CCDC38: variants seen among roughly 807,000 people sequenced by gnomAD.
The protein encoded by CCDC38 is coiled-coil domain containing 38, also known as coiled-coil domain-containing protein 38.
Under a neutral mutation model 72.8 loss-of-function variants are expected in CCDC38, and 69 were observed. The ratio of observed to expected loss-of-function variants is 0.95; its 90% confidence interval spans 0.78 to 1.16. CCDC38 has a LOEUF of 1.16. CCDC38 is among the 50% of genes most tolerant of loss of function. The pLI is 0.00. For missense variants in CCDC38, 626 were observed against 638.9 expected (o/e 0.98, Z 0.22); for synonymous variants, 201 against 213.2 (o/e 0.94, Z 0.50).
At chr12:95,882,216 G>A (rs2079708565) in intron 10 of CCDC38, among the ~76,000 whole-genome samples, 1 of 152,182 alleles carries the variant, frequency 6.6e-6, no homozygotes, top group African/African-American at 2.4e-5. Flanking sequence ...TGTGATCTAG[G>A]TCATTAACAC....
At chr12:95,895,244 TTAA>T in intron 7 of CCDC38, 98 bp from the exon 8 acceptor site, 1 of 696,154 alleles carries the variant, frequency 1.4e-6, no homozygotes. Context: ...ATGTACTGAA[TTAA>T]TAATTTAATT....
chr12:95,877,356 G>T (rs1446732163), intron 13 of CCDC38, among the ~76,000 whole-genome samples: 1 of 152,126 alleles, frequency 6.6e-6, no homozygotes, highest in Non-Finnish European at 1.5e-5. Flanking sequence ...TTTTGAGTTG[G>T]TCTGGCAATA....
chr12:95,880,844 G>T (rs1424054684), intron 11 of CCDC38, among the ~76,000 whole-genome samples: 1 of 152,188 alleles, frequency 6.6e-6, no homozygotes, highest in Non-Finnish European at 1.5e-5. Context: ...CTATGGGAGG[G>T]AGAAAAGAGG....
intron 4 of CCDC38, among the ~76,000 whole-genome samples, chr12:95,915,565 A>G (rs1388252591): frequency 6.6e-6 from 1 of 152,130 alleles, no homozygotes; most frequent in Non-Finnish European, 1.5e-5. Flanking sequence ...CTAACCTCCC[A>G]GCGTGTGGTT....
At chr12:95,884,872 A>G (rs2079739915) in intron 10 of CCDC38, among the ~76,000 whole-genome samples, 1 of 152,206 alleles carries the variant, frequency 6.6e-6, no homozygotes, top group South Asian at 2.1e-4. Flanking sequence ...AAAAATATAT[A>G]TATTTTTTCC....
intron 13 of CCDC38, among the ~76,000 whole-genome samples, chr12:95,875,263 A>G (rs2079623214): frequency 1.3e-5 from 2 of 152,160 alleles, no homozygotes; most frequent in South Asian, 4.1e-4. Context: ...ATAATGGTGT[A>G]TTCCCTGATC....
intron 4 of CCDC38, among the ~76,000 whole-genome samples, chr12:95,916,902 G>C (rs1185114603): frequency 1.3e-5 from 2 of 152,066 alleles, no homozygotes; most frequent in Admixed American, 6.5e-5. Flanking sequence ...GGCAGTAACT[G>C]TCCTCCTGGG....
At chr12:95,926,396 A>G (rs1400024195) in intron 2 of CCDC38, among the ~76,000 whole-genome samples, 5 of 150,846 alleles carry the variant, frequency 3.3e-5, no homozygotes, top group Non-Finnish European at 5.9e-5. Context: ...TATCCCCTTT[A>G]TCATTTTTTA....
chr12:95,913,031 T>C (rs1193686861), intron 4 of CCDC38, among the ~76,000 whole-genome samples: 4 of 152,132 alleles, frequency 2.6e-5, no homozygotes, highest in East Asian at 1.9e-4. Flanking sequence ...CACCAATGCA[T>C]TCCAGCCTGG....
rs569622792 is a variant in CCDC38 at position 95,879,791 on chromosome 12, G to C, written c.995C>G (p.Pro332Arg). The C allele has an allele frequency of 1.3e-6, 2 of 1,596,408 alleles. No homozygotes were observed. Among genetic ancestry groups the C allele is most frequent in the Admixed American group, 1.8e-5 (1 of 56,222 alleles). ...LDDEMDVDLE[P>R]ALYFKEPEEL... ...CTCTGGTTCCTTGAAATAAAGTGCT[G>C]GCTCCTAATTAATCAATAATGAAGA... The change falls in exon 12 of 16, where the codon CCA becomes CGA. Residue 332 changes from proline (P) to arginine (R), a missense_variant. Coordinates refer to ENST00000344280, the MANE Select transcript of CCDC38 (RefSeq NM_182496.3). This position sits in a 1 kb window ranked among gnomAD's most constrained non-coding sequence, Gnocchi z 5.5.
rs2136708594 is a variant in CCDC38 at position 95,909,405 on chromosome 12, T to TA, written c.305-2955dup. ...ATGAGTTCTGAAATTGAATCAGTAA[T>TA]AAAAAACCTACCAAACCAAATAAAG... is the stretch of plus-strand genomic sequence containing the variant. On this transcript the variant is annotated intron_variant, in intron 4 of 15. Transcript: ENST00000344280. Among the ~76,000 whole-genome samples, 3 of 152,140 alleles carry TA rather than the reference T, an allele frequency of 2.0e-5. No homozygotes were observed. In the East Asian group the frequency reaches 5.8e-4, roughly 29 times the overall value.
At chr12:95,921,135 AAAAAAGAAAAAG>A (rs530219290) in intron 2 of CCDC38, among the ~76,000 whole-genome samples, 30 of 152,112 alleles carry the variant, frequency 2.0e-4, no homozygotes, top group African/African-American at 6.7e-4. Context: ...TCTCAAAAAA[AAAAAAGAAAAAG>A]AAAAAGAAAA....
intron 4 of CCDC38, among the ~76,000 whole-genome samples, chr12:95,910,143 TA>T (rs1445827674): frequency 1.3e-5 from 2 of 152,084 alleles, no homozygotes; most frequent in Non-Finnish European, 2.9e-5. Context: ...GTTCGATACC[TA>T]AAAAACCCCA....
At chr12:95,936,592 C>T (rs965430548) in intron 1 of CCDC38, 69 bp from the exon 2 acceptor site, 2 of 1,233,574 alleles carry the variant, frequency 1.6e-6, no homozygotes, top group South Asian at 2.6e-5. Context: ...CTAAATTCAA[C>T]TGCCAATGAC....
chr12:95,892,276 A>ATTTT (rs1450670029), intron 8 of CCDC38, among the ~76,000 whole-genome samples: 2 of 100,200 alleles, frequency 2.0e-5, no homozygotes, highest in Non-Finnish European at 1.9e-5. Context: ...ACTTATTACA[A>ATTTT]TCTTTTTTTT....
intron 5 of CCDC38, among the ~76,000 whole-genome samples, chr12:95,899,585 C>CA (rs2079929276): frequency 6.6e-6 from 1 of 152,128 alleles, no homozygotes. Flanking sequence ...AGGCGTGAGC[C>CA]ACCACACCCA....
intron 13 of CCDC38, among the ~76,000 whole-genome samples, chr12:95,875,315 T>G (rs1376995528): frequency 1.3e-5 from 2 of 152,170 alleles, no homozygotes; most frequent in Non-Finnish European, 2.9e-5. Flanking sequence ...AGAAAATTTC[T>G]TGAGAGGTAC....
chr12:95,895,329 A>T (rs1262924218), intron 7 of CCDC38, among the ~76,000 whole-genome samples, 183 bp from the exon 8 acceptor site: 1 of 152,220 alleles, frequency 6.6e-6, no homozygotes, highest in African/African-American at 2.4e-5. Context: ...GGAAAACTCT[A>T]GGAATGCTGT....
chr12:95,879,612 T>C lies in CCDC38; in HGVS notation c.1142+32A>G, dbSNP rs747167593. 4.1e-6 allele frequency: 6 copies of C among 1,481,178 alleles called. No homozygotes were observed. Among genetic ancestry groups the C allele is most frequent in the East Asian group, 2.3e-5 (1 of 43,916 alleles). The allele number at this position is 1,481,178 out of a possible 1,614,324, so 91.8% of individuals were successfully genotyped here. ...CAGGCTCTGGTTAGAAATTGCTTAA[T>C]GGAATAAATCTACTTGTTTATAATG... On this transcript the variant is annotated intron_variant, in intron 12 of 15. Transcript: ENST00000344280. This position sits in a 1 kb window ranked among gnomAD's most constrained non-coding sequence, Gnocchi z 5.5.
Sources: gnomAD v4.1 joint callset for allele counts (sites outside exome capture counted in the v4.1 genomes callset) on GRCh38, gnomAD v4.1.1 for gene constraint, Gnocchi (gnomAD v3.1) non-coding constraint, MANE v1.5 for transcripts, NCBI Gene and HGNC (gene_info 2026-07-23, HGNC 2026-07-21) for gene names.